GALNT17: variants seen among roughly 807,000 people sequenced by gnomAD.
GALNT17 encodes UDP-GalNAc:polypeptide N-acetylgalactosaminyltransferase-like 3.
In GALNT17, 29 loss-of-function variants were observed where a neutral mutation model predicts 63.7. That is an observed-to-expected ratio of 0.46 (90% CI 0.34 to 0.62). GALNT17 has a LOEUF of 0.62. Ranked by LOEUF, GALNT17 falls within the 20% of genes least tolerant of loss-of-function variation. The probability of loss-of-function intolerance (pLI) is 0.01; values close to 1 mark genes in which losing one functional copy is unlikely to be tolerated. For synonymous variants in GALNT17, 305 were observed against 318.3 expected (o/e 0.96, Z 0.45); for missense variants, 603 against 799.6 (o/e 0.75, Z 2.97).
intron 1 of GALNT17, among the ~76,000 whole-genome samples, chr7:71,267,691 CTTATT>C (rs112416466): frequency 0.059 from 8,902 of 152,048 alleles, 889 homozygotes; most frequent in African/African-American, 0.2. Context: ...CAGCAGGTTT[CTTATT>C]TTATTTTATT....
chr7:71,154,932 T>C (rs975517796), intron 1 of GALNT17, among the ~76,000 whole-genome samples: 2 of 151,858 alleles, frequency 1.3e-5, no homozygotes, highest in African/African-American at 4.9e-5. Context: ...GTAATGAAGA[T>C]TTTATATATA....
At chr7:71,411,553 C>T (rs1484307270) in intron 3 of GALNT17, among the ~76,000 whole-genome samples, 2 of 152,176 alleles carry the variant, frequency 1.3e-5, no homozygotes, top group Non-Finnish European at 2.9e-5. Context: ...CACCCCACCT[C>T]TTCTTCGGTT....
chr7:71,323,742 A>G (rs765288531), intron 1 of GALNT17, among the ~76,000 whole-genome samples: 1 of 152,222 alleles, frequency 6.6e-6, no homozygotes, highest in African/African-American at 2.4e-5. Context: ...AAATTTGGCC[A>G]GTGCAGTTTA....
intron 1 of GALNT17, among the ~76,000 whole-genome samples, chr7:71,216,165 C>T (rs1193478499): frequency 3.9e-5 from 6 of 151,956 alleles, no homozygotes; most frequent in African/African-American, 1.5e-4. Context: ...TGCAGTGAGC[C>T]AAGATCGCAC....
At chr7:71,394,621 G>A (rs1480248198) in intron 3 of GALNT17, among the ~76,000 whole-genome samples, 3 of 152,128 alleles carry the variant, frequency 2.0e-5, no homozygotes, top group African/African-American at 7.2e-5. Context: ...AGCTCCATTG[G>A]TCCAATGATG....
intron 1 of GALNT17, among the ~76,000 whole-genome samples, chr7:71,231,684 A>G (rs1789790737): frequency 1.4e-5 from 2 of 144,652 alleles, no homozygotes; most frequent in Non-Finnish European, 3.0e-5. Flanking sequence ...TAGAGCAAGG[A>G]GAGAAGAAAG....
chr7:71,348,295 T>TGG (rs1184298027), intron 2 of GALNT17, among the ~76,000 whole-genome samples: 1 of 152,122 alleles, frequency 6.6e-6, no homozygotes, highest in African/African-American at 2.4e-5. Context: ...TCTTGAGACT[T>TGG]AACTGTGTAA....
rs560724309 is a variant in GALNT17, at chr7:71,170,327, ATTATTTAT to A, written c.238+37306_238+37313del. The stretch of plus-strand genomic sequence containing the variant: ...TTTAAAAGTTGAAGCTTTATTTTTT[ATTATTTAT>A]TTATTTATTTATTTATTTGAGACAG... On this transcript the variant is annotated intron_variant, in intron 1 of 10. Transcript: ENST00000333538. Among the ~76,000 whole-genome samples, 39 of 151,602 alleles carry A rather than the reference ATTATTTAT, an allele frequency of 2.6e-4. No individual in the cohort carries two copies. The South Asian group carries it at 7.3e-3, about 28-fold the overall frequency.
At chr7:71,389,965 TGGCATCCAG>T (rs1165076034) in intron 3 of GALNT17, among the ~76,000 whole-genome samples, 2 of 152,278 alleles carry the variant, frequency 1.3e-5, no homozygotes, top group Non-Finnish European at 2.9e-5. Context: ...GACAAAGGCG[TGGCATCCAG>T]GGCAATGGGG....
intron 1 of GALNT17, among the ~76,000 whole-genome samples, chr7:71,175,912 C>G (rs971347996): frequency 2.6e-5 from 4 of 152,028 alleles, no homozygotes; most frequent in African/African-American, 7.2e-5. Flanking sequence ...AAAAAAGAGA[C>G]AATGTTTATT....
Position 71,513,857 on chromosome 7 carries a change from G to A in GALNT17, c.963-57428G>A, listed in dbSNP as rs761701306. ...AAATGGCACTGCTGCTCTGTAGAGT[G>A]TAAGGTCTGGTTGGGAAAACAGATG... On this transcript the variant is annotated intron_variant, in intron 5 of 10. Transcript: ENST00000333538. 7.6e-4 allele frequency among the ~76,000 whole-genome samples: 116 copies of A among 152,172 alleles called. 3 individuals carry two copies. Among genetic ancestry groups the A allele is most frequent in the Non-Finnish European group, 2.1e-4 (14 of 68,028 alleles).
chr7:71,310,989 C>T (rs560458093), intron 1 of GALNT17, among the ~76,000 whole-genome samples: 12 of 152,272 alleles, frequency 7.9e-5, no homozygotes, highest in Non-Finnish European at 1.8e-4. Flanking sequence ...AGCAGCTCGC[C>T]GCTGATGAGA....
At chr7:71,624,426 G>T (rs1352033584) in intron 6 of GALNT17, among the ~76,000 whole-genome samples, 3 of 152,170 alleles carry the variant, frequency 2.0e-5, no homozygotes, top group Non-Finnish European at 4.4e-5. Context: ...ATAATTAAGG[G>T]CTGTTTTACC....
chr7:71,248,279 T>C (rs1790136418), intron 1 of GALNT17, among the ~76,000 whole-genome samples: 1 of 152,178 alleles, frequency 6.6e-6, no homozygotes, highest in Non-Finnish European at 1.5e-5. Flanking sequence ...GAAACTCCCA[T>C]GATCCAGTCG....
chr7:71,712,394 T>A lies in GALNT17; in HGVS notation c.*248T>A. 2.6e-6 allele frequency: 1 copy of A among 384,682 alleles called. No individual in the cohort carries two copies. Among genetic ancestry groups the A allele is most frequent in the Non-Finnish European group, 4.8e-6 (1 of 208,752 alleles). The allele number at this position is 384,682 out of a possible 1,614,324, so 23.8% of individuals were successfully genotyped here. On this transcript the variant is annotated 3_prime_UTR_variant, in exon 11 of 11. Coordinates refer to ENST00000333538, the MANE Select transcript of GALNT17 (RefSeq NM_022479.3). ...CCTTCCTCTGGGAAACTGACAGCTG[T>A]CTTCCACAGCCTCTGATGTGGACCT...
chr7:71,373,834 G>A (rs780867444), intron 2 of GALNT17, among the ~76,000 whole-genome samples: 8 of 152,096 alleles, frequency 5.3e-5, no homozygotes, highest in Non-Finnish European at 7.3e-5. Flanking sequence ...GTTGGGGGCC[G>A]TTGCTCTATA....
intron 1 of GALNT17, among the ~76,000 whole-genome samples, chr7:71,286,041 G>T (rs1168560945): frequency 6.6e-6 from 1 of 152,178 alleles, no homozygotes; most frequent in Non-Finnish European, 1.5e-5. Flanking sequence ...GAATAACTGT[G>T]TGCTCCCCCA....
At chr7:71,365,617 A>G (rs550143824) in intron 2 of GALNT17, among the ~76,000 whole-genome samples, 1 of 152,364 alleles carries the variant, frequency 6.6e-6, no homozygotes, top group East Asian at 1.9e-4. Flanking sequence ...TGAAATGTGC[A>G]GATGTCTCCT....
At chr7:71,139,575 G>A (rs553657106) in intron 1 of GALNT17, among the ~76,000 whole-genome samples, 4 of 152,282 alleles carry the variant, frequency 2.6e-5, no homozygotes, top group African/African-American at 9.6e-5. Flanking sequence ...AGGAAACCAA[G>A]ACGCTCCTAT....
Sources: allele counts gnomAD v4.1 joint callset (sites outside exome capture counted in the v4.1 genomes callset), GRCh38; gene constraint gnomAD v4.1.1; transcripts MANE v1.5; gene names NCBI Gene and HGNC (gene_info 2026-07-23, HGNC 2026-07-21).